The following ATP5MK variants were observed in gnomAD, a reference collection of about 807,000 sequenced individuals.
ATP5MK encodes the protein ATP synthase F(0) complex subunit k, mitochondrial.
A neutral mutation model predicts 6.6 loss-of-function variants in ATP5MK; 5 were observed. That is an observed-to-expected ratio of 0.76 (90% CI 0.40 to 1.60). ATP5MK has a LOEUF of 1.60. ATP5MK is among the 40% of genes most tolerant of loss of function. ATP5MK has a pLI of 0.02. For synonymous variants in ATP5MK, 30 were observed against 24.5 expected, an observed-to-expected ratio of 1.22 and a Z score of -0.66; for missense variants, 57 against 66.6, an observed-to-expected ratio of 0.86 and a Z score of 0.50.
intron 2 of ATP5MK, among the ~76,000 whole-genome samples, chr10:103,393,579 CAAA>C (rs959240621): frequency 1.8e-3 from 206 of 112,012 alleles, no homozygotes; most frequent in Middle Eastern, 5.3e-3. Context: ...GACGCCGTCT[CAAA>C]AAAAAAAAAA....
rs1397843082 is a variant in ATP5MK, at chr10:103,389,060, T to C, written c.*110A>G. 1.3e-5 allele frequency: 2 copies of C among 152,676 alleles called. No homozygotes were observed. The highest frequency in any genetic ancestry group is 2.9e-5 in the Non-Finnish European group (2 of 68,042). 9.5% of individuals were successfully genotyped at this position (152,676 alleles called of 1,614,324 possible). A position where few individuals can be genotyped will look rare whatever the true frequency, so the allele number is the denominator to read the frequency against. On this transcript the variant is annotated 3_prime_UTR_variant, in exon 5 of 5. Transcript: ENST00000369815. ...ATAAAGACAACCAGCTTTTCCAGGT[T>C]CATAATTTATTGTACAAATTGAATT...
chr10:103,394,345 G>C (rs766738312), intron 2 of ATP5MK: 1 of 532,870 alleles, frequency 1.9e-6, no homozygotes, highest in Non-Finnish European at 3.9e-6. Flanking sequence ...CAGACGAGCC[G>C]GTCGAGGTCC....
At chr10:103,390,449 G>C (rs1045104007) in intron 4 of ATP5MK, among the ~76,000 whole-genome samples, 1 of 151,440 alleles carries the variant, frequency 6.6e-6, no homozygotes, top group East Asian at 2.0e-4. Flanking sequence ...ATCTGAGATC[G>C]CACCACTTCA....
rs556369170 is a variant in ATP5MK at position 103,393,957 on chromosome 10, C to G, written c.-9-1491G>C. On this transcript the variant is annotated intron_variant, in intron 2 of 4. Transcript: ENST00000369815. ...GATTTTATAAAGCACGTCAATGGTT[C>G]TGGGTCTTGTCCCTAGACCAGCAGC... Among the ~76,000 whole-genome samples, 9 of 152,292 alleles carry G rather than the reference C, an allele frequency of 5.9e-5. No individual in the cohort carries two copies. In the South Asian group the frequency reaches 1.7e-3, roughly 28 times the overall value.
chr10:103,391,682 A>G (rs1327147684), intron 4 of ATP5MK, among the ~76,000 whole-genome samples: 1 of 151,772 alleles, frequency 6.6e-6, no homozygotes, highest in Non-Finnish European at 1.5e-5. Flanking sequence ...TAACTTTTGT[A>G]TTTTTAGTAG....
chr10:103,396,123 C>T (rs968172717), intron 1 of ATP5MK, 91 bp from the exon 2 acceptor site: 1 of 152,314 alleles, frequency 6.6e-6, no homozygotes, highest in Admixed American at 6.5e-5. Context: ...ACTGGGTGAC[C>T]TCGAGGGACG....
intron 4 of ATP5MK, among the ~76,000 whole-genome samples, chr10:103,391,117 A>G (rs1026645575): frequency 4.6e-4 from 70 of 152,256 alleles, no homozygotes; most frequent in African/African-American, 1.7e-3. Flanking sequence ...GTAAACACAG[A>G]AAAACATGCC....
intron 4 of ATP5MK, among the ~76,000 whole-genome samples, chr10:103,389,878 C>T (rs1196230752): frequency 6.6e-6 from 1 of 150,752 alleles, no homozygotes; most frequent in Non-Finnish European, 1.5e-5. Context: ...ATTACAGGTG[C>T]CTGCCACCAC....
intron 2 of ATP5MK, chr10:103,394,290 C>T (rs767749213): frequency 7.5e-6 from 4 of 533,774 alleles, no homozygotes; most frequent in Non-Finnish European, 1.2e-5. Flanking sequence ...TATGCATGAC[C>T]GCCTATCTAC....
At chr10:103,392,053 AC>A in intron 4 of ATP5MK, 137 bp downstream of exon 4, 1 of 703,566 alleles carries the variant, frequency 1.4e-6, no homozygotes, top group Non-Finnish European at 2.3e-6. Flanking sequence ...GAGCCACTAT[AC>A]TAGGCCTCTG....
chr10:103,389,896 T>C (rs536131803), intron 4 of ATP5MK, among the ~76,000 whole-genome samples: 12 of 151,116 alleles, frequency 7.9e-5, no homozygotes, highest in Admixed American at 6.6e-4. Context: ...CACGCCCGGC[T>C]AATTTTTATA....
intron 4 of ATP5MK, among the ~76,000 whole-genome samples, chr10:103,391,734 C>G (rs1048148380): frequency 2.0e-5 from 3 of 152,148 alleles, no homozygotes; most frequent in African/African-American, 7.2e-5. Flanking sequence ...TCTCAAACTC[C>G]TGACCTCAGG....
intron 2 of ATP5MK, among the ~76,000 whole-genome samples, chr10:103,395,310 C>T (rs1174542219): frequency 1.3e-5 from 2 of 152,148 alleles, no homozygotes; most frequent in Non-Finnish European, 2.9e-5. Context: ...GCTAACTGCC[C>T]TTCTTGAGAC....
chr10:103,394,096 C>T (rs1228176124), intron 2 of ATP5MK: 1 of 283,274 alleles, frequency 3.5e-6, no homozygotes, highest in Non-Finnish European at 7.3e-6. Flanking sequence ...CTAAAGCATG[C>T]TAAAGTTTGA....
At chr10:103,393,382 C>T (rs2093420194) in intron 2 of ATP5MK, among the ~76,000 whole-genome samples, 2 of 151,894 alleles carry the variant, frequency 1.3e-5, no homozygotes. Flanking sequence ...AGATCGAGAC[C>T]ATCCTGGCTA....
chr10:103,392,706 T>G (rs1405606526), intron 2 of ATP5MK, among the ~76,000 whole-genome samples: 1 of 152,176 alleles, frequency 6.6e-6, no homozygotes, highest in Non-Finnish European at 1.5e-5. Context: ...TCAGAATACA[T>G]CAAATCACAC....
intron 2 of ATP5MK, among the ~76,000 whole-genome samples, chr10:103,393,797 A>G (rs1036819977): frequency 6.6e-6 from 1 of 152,222 alleles, no homozygotes; most frequent in Non-Finnish European, 1.5e-5. Flanking sequence ...AAATCTTAAA[A>G]GTCCATCTAT....
At chr10:103,390,191 A>C (rs2093410081) in intron 4 of ATP5MK, among the ~76,000 whole-genome samples, 1 of 152,038 alleles carries the variant, frequency 6.6e-6, no homozygotes, top group African/African-American at 2.4e-5. Context: ...AGATTGGAAA[A>C]GCTCTTAAGC....
At chr10:103,392,065 T>C (rs763288703) in intron 4 of ATP5MK, 126 bp downstream of exon 4, 7 of 775,584 alleles carry the variant, frequency 9.0e-6, no homozygotes, top group Non-Finnish European at 1.4e-5. Context: ...TAGGCCTCTG[T>C]ATTTTTTTTT....
Sources: allele counts gnomAD v4.1 joint callset (sites outside exome capture counted in the v4.1 genomes callset), GRCh38; gene constraint gnomAD v4.1.1; transcripts MANE v1.5; gene names NCBI Gene and HGNC (gene_info 2026-07-23, HGNC 2026-07-21).